SGCD: variants seen among roughly 807,000 people sequenced by gnomAD.
SGCD encodes sarcoglycan delta.
SGCD carries 18 observed loss-of-function variants against 36.6 expected under a neutral mutation model. The observed-to-expected ratio is 0.49, with a 90% confidence interval of 0.34 to 0.73. The LOEUF (loss-of-function observed/expected upper bound fraction) is 0.73. Among genes scored for constraint, SGCD ranks in the 30% least tolerant of loss-of-function variants. The probability of loss-of-function intolerance (pLI) is 0.01; values close to 1 mark genes in which losing one functional copy is unlikely to be tolerated. For missense variants in SGCD, 387 were observed against 346.7 expected, an observed-to-expected ratio of 1.12 and a Z score of -0.92; for synonymous variants, 133 against 130.6, an observed-to-expected ratio of 1.02 and a Z score of -0.12.
chr5:156,487,813 A>AAAAGAAAG (rs1554107841), intron 3 of SGCD, among the ~76,000 whole-genome samples: 1,315 of 77,610 alleles, frequency 0.017, 97 homozygotes, highest in Non-Finnish European at 0.026. Flanking sequence ...AAAAAAAAAA[A>AAAAGAAAG]AAAGAAAGAA....
At chr5:156,102,833 T>C (rs919282421) in intron 1 of SGCD, among the ~76,000 whole-genome samples, 3 of 152,096 alleles carry the variant, frequency 2.0e-5, no homozygotes, top group Non-Finnish European at 4.4e-5. Flanking sequence ...TATATACTTA[T>C]ATTGTGTGTG....
At chr5:156,656,268 A>G (rs1038673663) in intron 7 of SGCD, among the ~76,000 whole-genome samples, 1 of 152,150 alleles carries the variant, frequency 6.6e-6, no homozygotes, top group Non-Finnish European at 1.5e-5. Flanking sequence ...GAAAACTCAA[A>G]TAATTGATAG....
At chr5:156,125,281 T>C (rs1385019944) in intron 3 of SGCD, among the ~76,000 whole-genome samples, 1 of 152,210 alleles carries the variant, frequency 6.6e-6, no homozygotes, top group Non-Finnish European at 1.5e-5. Flanking sequence ...GTAAGTCATA[T>C]GTCATGCACG....
chr5:156,721,748 G>A (rs1755520203), intron 7 of SGCD, among the ~76,000 whole-genome samples: 1 of 152,184 alleles, frequency 6.6e-6, no homozygotes, highest in Non-Finnish European at 1.5e-5. Flanking sequence ...CTGAACCCTA[G>A]CAGCATGGAG....
At chr5:156,206,236 C>T (rs111599247) in intron 3 of SGCD, among the ~76,000 whole-genome samples, 63 of 151,864 alleles carry the variant, frequency 4.1e-4, no homozygotes, top group African/African-American at 1.1e-3. Flanking sequence ...ATTGTGTGTA[C>T]GTACAGTGGT....
intron 3 of SGCD, among the ~76,000 whole-genome samples, chr5:156,390,563 T>A (rs1771510838): frequency 6.6e-6 from 1 of 152,078 alleles, no homozygotes; most frequent in Non-Finnish European, 1.5e-5. Context: ...AAACCCCATA[T>A]CTACTAAATA....
intron 1 of SGCD, among the ~76,000 whole-genome samples, chr5:155,975,010 G>A (rs554275838): frequency 1.3e-5 from 2 of 152,200 alleles, no homozygotes; most frequent in East Asian, 3.9e-4. Flanking sequence ...CCTTCCCATA[G>A]TTTCTGTTAT....
intron 4 of SGCD, among the ~76,000 whole-genome samples, chr5:156,544,472 G>T (rs1384972488): frequency 2.6e-5 from 4 of 152,212 alleles, no homozygotes; most frequent in Admixed American, 2.0e-4. Context: ...CCAACTCCTA[G>T]CCCACTCCAC....
intron 7 of SGCD, among the ~76,000 whole-genome samples, chr5:156,757,263 C>CA (rs34767809): frequency 0.44 from 30,792 of 69,204 alleles, 12,742 homozygotes; most frequent in Non-Finnish European, 0.52. Context: ...CTTACTTTTA[C>CA]AAAAAAAAAA....
chr5:156,375,716 A>G (rs1429620859), intron 3 of SGCD, among the ~76,000 whole-genome samples: 3 of 152,198 alleles, frequency 2.0e-5, no homozygotes, highest in Admixed American at 2.0e-4. Context: ...TTGGCTTATA[A>G]AAGCATCTGA....
rs111458843 is a variant in SGCD at position 156,653,493 on chromosome 5, C to CTTTTTTTTTT, written c.575+5963_575+5972dup. ...TTTTCTTACGTAATTCTAAAGCTTG[C>CTTTTTTTTTT]TTTTTTTTTTTTTTTGCCCCTGTTG... On this transcript the variant is annotated intron_variant, in intron 7 of 8. Transcript: ENST00000337851. Among the ~76,000 whole-genome samples, 9 of 48,098 alleles carry CTTTTTTTTTT rather than the reference C, an allele frequency of 1.9e-4. 1 individual carries two copies. The highest frequency in any genetic ancestry group is 9.4e-4 in the East Asian group (1 of 1,060). 31.6% of individuals were successfully genotyped at this position (48,098 alleles called of 152,430 possible).
intron 3 of SGCD, among the ~76,000 whole-genome samples, chr5:156,385,807 G>A (rs10476369): frequency 0.042 from 6,369 of 152,204 alleles, 463 homozygotes; most frequent in African/African-American, 0.15. Context: ...AAATATTACC[G>A]ACATTCCCAT....
At chr5:156,490,157 A>G (rs1271125909) in intron 3 of SGCD, among the ~76,000 whole-genome samples, 1 of 152,124 alleles carries the variant, frequency 6.6e-6, no homozygotes, top group Non-Finnish European at 1.5e-5. Flanking sequence ...AGATTGAACC[A>G]GGAAGATACA....
chr5:155,792,965 C>T, the SGCD span, among the ~76,000 whole-genome samples: 1 of 152,092 alleles, frequency 6.6e-6, no homozygotes, highest in African/African-American at 2.4e-5. Context: ...ATGTTTATTG[C>T]AGAGCTGTTC....
At chr5:156,377,820 A>G (rs1770752950) in intron 3 of SGCD, among the ~76,000 whole-genome samples, 1 of 152,208 alleles carries the variant, frequency 6.6e-6, no homozygotes, top group African/African-American at 2.4e-5. Flanking sequence ...TGCATTTTCC[A>G]TTAATTGCAC....
intron 1 of SGCD, among the ~76,000 whole-genome samples, chr5:156,015,095 C>T (rs75993682): frequency 0.11 from 17,117 of 152,132 alleles, 1,176 homozygotes; most frequent in Middle Eastern, 0.16. Context: ...GGAGATACTT[C>T]GAGAACATTA....
intron 3 of SGCD, among the ~76,000 whole-genome samples, chr5:156,280,543 C>A (rs1766427089): frequency 6.6e-6 from 1 of 152,122 alleles, no homozygotes; most frequent in Admixed American, 6.6e-5. Flanking sequence ...TAATGGGAAG[C>A]CAGATTTTAG....
At chr5:156,199,490 A>T (rs902193663) in intron 3 of SGCD, among the ~76,000 whole-genome samples, 5 of 152,102 alleles carry the variant, frequency 3.3e-5, no homozygotes, top group South Asian at 4.1e-4. Flanking sequence ...TGTCTCACCA[A>T]CCTCAAACTC....
At chr5:156,335,656 C>T (rs967052765) in intron 2 of SGCD, among the ~76,000 whole-genome samples, 2 of 152,162 alleles carry the variant, frequency 1.3e-5, no homozygotes, top group Admixed American at 1.3e-4. Flanking sequence ...CACACTCCAT[C>T]CCCCTCCTGC....
Sources: gnomAD v4.1 joint callset for allele counts (sites outside exome capture counted in the v4.1 genomes callset) on GRCh38, gnomAD v4.1.1 for gene constraint, MANE v1.5 for transcripts, NCBI Gene and HGNC (gene_info 2026-07-23, HGNC 2026-07-21) for gene names.